LTBP2: variants seen among roughly 807,000 people sequenced by gnomAD.
LTBP2 encodes latent transforming growth factor beta binding protein 2.
Under a neutral mutation model 210.6 loss-of-function variants are expected in LTBP2, and 103 were observed. The ratio of observed to expected loss-of-function variants is 0.49; its 90% CI spans 0.42 to 0.58. The LOEUF (loss-of-function observed/expected upper bound fraction) is 0.58. Among genes scored for constraint, LTBP2 ranks in the 20% least tolerant of loss-of-function variants. The pLI is 0.00. For synonymous variants in LTBP2, 1,007 were observed against 1,015.0 expected (o/e 0.99, Z 0.15); for missense variants, 2,313 against 2,494.5 (o/e 0.93, Z 1.55).
At position 74,611,869 on chromosome 14, in the gene LTBP2, G is replaced by A. The variant is rs907845557; in HGVS notation, c.76C>T (p.Leu26=). The stretch of plus-strand genomic sequence containing the variant: ...TGACCCGCGCCCACGAAGAGAGCCA[G>A]GGTGAGCGGCAGGAAGCCTCTCCAG... ...NPWRGFLPLT[L]ALFVGAGHAQ... Residue 26 remains leucine, a synonymous_variant, in exon 1 of 36, where the codon CTG becomes TTG. Coordinates refer to ENST00000261978, the MANE Select transcript of LTBP2 (RefSeq NM_000428.3). 6.2e-7 allele frequency: 1 copy of A among 1,609,916 alleles called. No individual in the cohort carries two copies. Among genetic ancestry groups the A allele is most frequent in the Admixed American group, 1.7e-5 (1 of 59,916 alleles).
chr14:74,503,693 A>G lies in LTBP2; in HGVS notation c.4583-87T>C, dbSNP rs912581508. 3.8e-6 allele frequency: 6 copies of G among 1,559,498 alleles called. No homozygotes were observed. In the Admixed American group the frequency reaches 1.1e-4, roughly 28 times the overall value. On this transcript the variant is annotated intron_variant, in intron 31 of 35. Transcript: ENST00000261978. ...GAAGGGTGTTTGCCTATCACTGATA[A>G]TGAAGAGTTAGTGCCCTGCCTCCCT...
intron 10 of LTBP2, among the ~76,000 whole-genome samples, chr14:74,532,118 T>C (rs1300020633): frequency 1.3e-5 from 2 of 151,650 alleles, no homozygotes; most frequent in Non-Finnish European, 2.9e-5. Context: ...AAAACGAGGC[T>C]ACACATGGAA....
intron 33 of LTBP2, 27 bp from the exon 34 acceptor site, chr14:74,502,961 C>T (rs764652034): frequency 6.2e-7 from 1 of 1,608,030 alleles, no homozygotes. Context: ...AGAGAAGGAG[C>T]TGGGTTCTAG....
chr14:74,525,340 A>C, intron 14 of LTBP2, 115 bp from the exon 15 acceptor site: 1 of 457,148 alleles, frequency 2.2e-6, no homozygotes, highest in East Asian at 3.5e-5. Context: ...GGGGTGGGTC[A>C]CTCCCATGCC....
intron 3 of LTBP2, among the ~76,000 whole-genome samples, chr14:74,571,158 C>T (rs1321355636): frequency 6.6e-6 from 1 of 152,066 alleles, no homozygotes; most frequent in Admixed American, 6.5e-5. Flanking sequence ...ATAGTGAAAC[C>T]CCGTCTCTAC....
chr14:74,509,208 T>A (rs368468142), intron 22 of LTBP2, 30 bp downstream of exon 22: 71 of 1,613,116 alleles, frequency 4.4e-5, no homozygotes, highest in Non-Finnish European at 5.5e-5. Flanking sequence ...GGCATCCCAT[T>A]TGTATCCTCT....
intron 13 of LTBP2, 62 bp downstream of exon 13, chr14:74,527,285 C>T: frequency 6.3e-7 from 1 of 1,586,508 alleles, no homozygotes; most frequent in Non-Finnish European, 8.6e-7. Flanking sequence ...GGGGCCTGAG[C>T]TGCTACCAGG....
Position 74,506,128 on chromosome 14 carries a change from C to T in LTBP2, c.4097G>A (p.Gly1366Asp). The T allele has an allele frequency of 1.2e-6, 2 of 1,614,206 alleles. No individual in the cohort carries two copies. The highest frequency in any genetic ancestry group is 1.7e-6 in the Non-Finnish European group (2 of 1,180,042). The change falls in exon 28 of 36, where the codon GGC becomes GAC. Residue 1366 changes from glycine (G) to aspartate (D), a missense_variant. Coordinates refer to ENST00000261978, the MANE Select transcript of LTBP2 (RefSeq NM_000428.3). The part of the protein sequence containing the change: ...CGAALCENVE[G>D]SFLCLCASDL... ...ACTGGCACAGAGGCACAGGAAGGAGCCCTCCACGTTCTCACAGAGCGCGGC... is the reference window on the plus strand; with the variant it reads ...ACTGGCACAGAGGCACAGGAAGGAGTCCTCCACGTTCTCACAGAGCGCGGC...
At chr14:74,532,342 C>T in intron 10 of LTBP2, 84 bp downstream of exon 10, 1 of 1,588,032 alleles carries the variant, frequency 6.3e-7, no homozygotes, top group Non-Finnish European at 8.6e-7. Flanking sequence ...GGGAAAATTG[C>T]TGCCCTGGGC....
intron 3 of LTBP2, among the ~76,000 whole-genome samples, chr14:74,558,321 G>A (rs1307957176): frequency 6.6e-6 from 1 of 152,218 alleles, no homozygotes; most frequent in Non-Finnish European, 1.5e-5. Context: ...CTTGAACCCA[G>A]GAGGTGGAGG....
In LTBP2 at chr14:74,501,488, T is replaced by C; in HGVS notation, c.5273A>G (p.Asp1758Gly). Residue 1758 changes from aspartate to glycine, a missense_variant, in exon 35 of 36, where the codon GAC (aspartate) becomes GGC (glycine). By Grantham distance (94) the Asp-to-Gly change is moderately conservative. Around this residue, in one of 3 missense-constraint regions of LTBP2, gnomAD observed 443 missense variants for 501.4 expected, o/e 0.88. Coordinates refer to ENST00000261978, the MANE Select transcript of LTBP2 (RefSeq NM_000428.3). ...CVRVREGYTCDCFEGFQLDAA... is the reference protein window; with the variant it reads ...CVRVREGYTCGCFEGFQLDAA... ...ATCCAGCTGGAAGCCCTCAAAACAG[T>C]CACAGGTGTAGCCCTCCCGCACGCG... The C allele has an allele frequency of 6.2e-7, 1 of 1,614,096 alleles. No individual in the cohort carries two copies. Among genetic ancestry groups the C allele is most frequent in the Non-Finnish European group, 8.5e-7 (1 of 1,180,008 alleles).
intron 33 of LTBP2, 76 bp downstream of exon 33, chr14:74,503,143 C>T (rs2086933697): frequency 3.1e-6 from 5 of 1,588,210 alleles, no homozygotes; most frequent in Middle Eastern, 2.1e-4. Flanking sequence ...TCTAGATCCC[C>T]AGTTCCAAGG....
rs2087717530 is a variant in LTBP2, at chr14:74,555,558, C to T, written c.966G>A (p.Glu322=). 6.8e-6 allele frequency: 11 copies of T among 1,612,824 alleles called. No homozygotes were observed. The highest frequency in any genetic ancestry group is 9.3e-6 in the Non-Finnish European group (11 of 1,179,310). Reference sequence around the variant, plus strand: ...CCGCCTGTTGGGTGCCATCTCTCTGCTCAAGGCCTGGTCCCGGGGGCAGGG... The same window carrying T: ...CCGCCTGTTGGGTGCCATCTCTCTGTTCAAGGCCTGGTCCCGGGGGCAGGG... ...SNALPPGPGL[E]QRDGTQQAVP... Residue 322 remains glutamate (E), a synonymous_variant, in exon 4 of 36, where the codon GAG becomes GAA. Transcript: ENST00000261978.
chr14:74,555,473 C>T (rs568210182), intron 4 of LTBP2, 30 bp downstream of exon 4: 2 of 1,611,610 alleles, frequency 1.2e-6, no homozygotes, highest in Non-Finnish European at 1.7e-6. Flanking sequence ...AGGCCCTGCT[C>T]TTCTAGGACC....
rs2087759346 is a variant in LTBP2, at chr14:74,558,733, C to T, written c.831-3040G>A. On this transcript the variant is annotated intron_variant, in intron 3 of 35. Transcript: ENST00000261978. ...TTTTTTCTCTAATTGGTGCTCAGAG[C>T]TCATGGCACCAAGATCCCAGGGTTC... Among the ~76,000 whole-genome samples, 7 of 152,288 alleles carry T rather than the reference C, an allele frequency of 4.6e-5. No homozygotes were observed. The South Asian group carries it at 1.5e-3, about 32-fold the overall frequency.
intron 14 of LTBP2, 104 bp from the exon 15 acceptor site, chr14:74,525,329 T>C: frequency 3.8e-6 from 2 of 523,492 alleles, no homozygotes; most frequent in Non-Finnish European, 3.2e-6. Context: ...GGGTGAAGCC[T>C]GGGGTGGGTC....
intron 17 of LTBP2, 101 bp downstream of exon 17, chr14:74,521,810 C>T (rs532158056): frequency 6.6e-7 from 1 of 1,507,564 alleles, no homozygotes; most frequent in Non-Finnish European, 9.2e-7. Context: ...TGCCCACTCC[C>T]CATTCTGCGG....
In LTBP2 at chr14:74,500,800, C is replaced by T. The variant is rs2086899752; in HGVS notation, c.*84G>A. On this transcript the variant is annotated 3_prime_UTR_variant, in exon 36 of 36. Transcript: ENST00000261978. ...AACCTCTGGCCTGATGTCACGGTGT[C>T]TTCCCAGCTAGGAAATCATCCTCAA... 6.3e-7 allele frequency: 1 copy of T among 1,577,916 alleles called. No individual in the cohort carries two copies. The highest frequency in any genetic ancestry group is 8.7e-7 in the Non-Finnish European group (1 of 1,150,250).
intron 8 of LTBP2, among the ~76,000 whole-genome samples, chr14:74,549,644 A>T (rs2087623543): frequency 6.6e-6 from 1 of 152,234 alleles, no homozygotes; most frequent in Non-Finnish European, 1.5e-5. Flanking sequence ...CTTGCAGGCA[A>T]TCAGATGGAG....
Sources: gnomAD v4.1 joint callset for allele counts (sites outside exome capture counted in the v4.1 genomes callset) on GRCh38, gnomAD v4.1.1 for gene constraint, gnomAD v4.1.1 regional missense constraint, MANE v1.5 for transcripts, NCBI Gene and HGNC (gene_info 2026-07-23, HGNC 2026-07-21) for gene names.